The following LACTBL1 variants were observed in gnomAD, a reference collection of about 807,000 sequenced individuals.
The protein encoded by LACTBL1 is lactamase beta like 1.
LACTBL1 carries 29 observed loss-of-function variants against 39.6 expected under a neutral mutation model. The observed-to-expected ratio is 0.73, with a 90% CI of 0.55 to 1.00. The LOEUF is 1.00. Among genes scored for constraint, LACTBL1 ranks in the 50% least tolerant of loss-of-function variants. The pLI, the probability that LACTBL1 is intolerant of heterozygous loss-of-function variation, is 0.00. For synonymous variants in LACTBL1, 361 were observed against 360.7 expected, an observed-to-expected ratio of 1.00 and a Z score of -0.01; for missense variants, 711 against 748.5, an observed-to-expected ratio of 0.95 and a Z score of 0.59.
At chr1:22,965,828 G>C (rs1640871268), upstream of LACTBL1, among the ~76,000 whole-genome samples, 1 of 152,154 alleles carries the variant, frequency 6.6e-6, no homozygotes, top group African/African-American at 2.4e-5. Flanking sequence ...GGTTGGGGAG[G>C]CCTCAGAAAA....
At chr1:22,955,503 C>T in intron 4 of LACTBL1, 77 bp from the exon 7 acceptor site, 3 of 884,508 alleles carry the variant, frequency 3.4e-6, no homozygotes, top group East Asian at 2.7e-5. Context: ...ACTCCCTCCC[C>T]ACCTTCCGTG....
At chr1:22,963,244 G>A in intron 1 of LACTBL1, 28 bp from the exon 4 acceptor site, 1 of 1,238,132 alleles carries the variant, frequency 8.1e-7, no homozygotes, top group Non-Finnish European at 1.1e-6. Flanking sequence ...TGGTGAGGAG[G>A]GGACAGAGAT....
exon 6 of LACTBL1, chr1:22,953,345 G>A: frequency 8.1e-7 from 1 of 1,229,046 alleles, no homozygotes. Context: ...TCGCCCGCCG[G>A]CCCGGCGCGC....
chr1:22,953,409 G>A, exon 6 of LACTBL1: 2 of 1,227,892 alleles, frequency 1.6e-6, no homozygotes, highest in Non-Finnish European at 2.0e-6. Context: ...AGGGGTGCGC[G>A]GTGGGCGGCG....
rs902919458 is a variant in LACTBL1 at position 22,953,336 on chromosome 1, C to T, written c.1348G>A (p.Glu450Lys). Residue 450 changes from glutamate to lysine, a missense_variant, in exon 6 of 6, where the codon GAG becomes AAG. Glu to Lys is a moderately conservative substitution (Grantham distance 56, BLOSUM62 1). Coordinates refer to ENST00000426928, the Ensembl canonical transcript of LACTBL1. ...GGCCCGAACTGGCGCAGGCGCAGCT[C>T]GCCCGCCGGCCCGGCGCGCACCTCG... 3.0e-5 allele frequency: 37 copies of T among 1,229,508 alleles called. No individual in the cohort carries two copies. In the East Asian group the frequency reaches 4.4e-4, roughly 15 times the overall value. The allele number at this position is 1,229,508 out of a possible 1,614,324, so 76.2% of individuals were successfully genotyped here. A position where few individuals can be genotyped will look rare whatever the true frequency, so the allele number is the denominator to read the frequency against.
exon 6 of LACTBL1, chr1:22,953,679 G>T: frequency 7.7e-7 from 1 of 1,293,716 alleles, no homozygotes; most frequent in Non-Finnish European, 9.8e-7. Context: ...CGCCCGGGCA[G>T]GCCAGCAGCG....
At chr1:22,956,566 G>T (rs545415481) in intron 4 of LACTBL1, among the ~76,000 whole-genome samples, 1 of 152,066 alleles carries the variant, frequency 6.6e-6, no homozygotes, top group South Asian at 2.1e-4. Context: ...GACCAAAGGC[G>T]TCTGGGGCAG....
At chr1:22,954,834 C>T (rs923367001) in intron 5 of LACTBL1, among the ~76,000 whole-genome samples, 1 of 152,188 alleles carries the variant, frequency 6.6e-6, no homozygotes, top group Non-Finnish European at 1.5e-5. Flanking sequence ...CAGAAGGGGG[C>T]CCCTGAAGCT....
At chr1:22,961,896 G>A (rs558070854) in intron 2 of LACTBL1, among the ~76,000 whole-genome samples, 98 of 152,286 alleles carry the variant, frequency 6.4e-4, no homozygotes, top group Non-Finnish European at 1.1e-3. Flanking sequence ...ACAGGCATAT[G>A]CCACCATGCC....
upstream of LACTBL1, among the ~76,000 whole-genome samples, chr1:22,967,608 A>G (rs1348070519): frequency 6.6e-6 from 1 of 152,034 alleles, no homozygotes; most frequent in East Asian, 1.9e-4. Context: ...ACACACACAT[A>G]TACACATATA....
chr1:22,965,487 C>CTGA, upstream of LACTBL1: 2 of 1,200,470 alleles, frequency 1.7e-6, no homozygotes, highest in Non-Finnish European at 2.1e-6. Flanking sequence ...AAGAGAGGGA[C>CTGA]CCTAACCCTG....
chr1:22,963,115 G>A, exon 2 of LACTBL1: 2 of 1,289,090 alleles, frequency 1.6e-6, no homozygotes, highest in Non-Finnish European at 2.0e-6. Flanking sequence ...ACCTTTTCCA[G>A]GGCCTCCTTC....
chr1:22,968,901 A>G (rs962857268), upstream of LACTBL1, among the ~76,000 whole-genome samples: 5 of 152,176 alleles, frequency 3.3e-5, no homozygotes, highest in Non-Finnish European at 5.9e-5. Context: ...GTTTTGAGAC[A>G]GTCTCACTCT....
Position 22,953,802 on chromosome 1 carries a change from C to T in LACTBL1, c.882G>A (p.Pro294=), listed in dbSNP as rs555396323. 1,769 of 1,545,106 alleles carry T rather than the reference C, an allele frequency of 1.1e-3. 1 individual carries two copies. The highest frequency in any genetic ancestry group is 1.5e-3 in the Non-Finnish European group (1,685 of 1,144,416). ...CGGCGGTAGAGTACATCTGGCCCGA[C>T]GGCCGGTACCAGCCCAGGTCATAGA... Residue 294 remains proline (P), a synonymous_variant, in exon 6 of 6, where the codon CCG becomes CCA. Coordinates refer to ENST00000426928, the Ensembl canonical transcript of LACTBL1.
At chr1:22,960,037 G>T in exon 3 of LACTBL1, 1 of 1,550,786 alleles carries the variant, frequency 6.4e-7, no homozygotes, top group South Asian at 1.2e-5. Flanking sequence ...CATTGTGGAT[G>T]ACAACTGCAG....
chr1:22,955,515 G>A (rs542044936), intron 4 of LACTBL1, 89 bp from the exon 7 acceptor site: 3 of 780,168 alleles, frequency 3.8e-6, no homozygotes, highest in Non-Finnish European at 6.3e-6. Flanking sequence ...CCTTCCGTGA[G>A]TTGAGAGATA....
chr1:22,962,289 C>A (rs1288288334), intron 2 of LACTBL1, among the ~76,000 whole-genome samples: 1 of 152,144 alleles, frequency 6.6e-6, no homozygotes, highest in Admixed American at 6.5e-5. Flanking sequence ...TCTGCATTGG[C>A]CCACACGTTC....
At chr1:22,954,143 C>T in intron 5 of LACTBL1, 119 bp from the exon 8 acceptor site, 1 of 1,438,946 alleles carries the variant, frequency 6.9e-7, no homozygotes, top group Non-Finnish European at 9.2e-7. Flanking sequence ...CCCCTGCATC[C>T]CAGGTGGTCA....
At chr1:22,961,035 C>A (rs534880419) in intron 2 of LACTBL1, among the ~76,000 whole-genome samples, 1 of 152,162 alleles carries the variant, frequency 6.6e-6, no homozygotes, top group Non-Finnish European at 1.5e-5. Flanking sequence ...CCACCTCAGC[C>A]TCCCAACATG....
Sources: allele counts gnomAD v4.1 joint callset (sites outside exome capture counted in the v4.1 genomes callset), GRCh38; gene constraint gnomAD v4.1.1; transcripts MANE v1.5; gene names NCBI Gene and HGNC (gene_info 2026-07-23, HGNC 2026-07-21).